MCC: variants seen among roughly 807,000 people sequenced by gnomAD.
The protein encoded by MCC is colorectal mutant cancer protein.
MCC carries 90 observed loss-of-function variants against 116.2 expected under a neutral mutation model. That is an observed-to-expected ratio of 0.77 (90% CI 0.65 to 0.92). MCC has a LOEUF of 0.92. Ranked by LOEUF, MCC falls within the 40% of genes least tolerant of loss-of-function variation. The pLI, the probability that MCC is intolerant of heterozygous loss-of-function variation, is 0.00. For synonymous variants in MCC, 578 were observed against 510.5 expected (o/e 1.13, Z -1.78); for missense variants, 1,516 against 1,312.2 (o/e 1.16, Z -2.40).
intron 3 of MCC, among the ~76,000 whole-genome samples, chr5:113,295,478 C>G (rs1006529274): frequency 6.6e-6 from 1 of 151,992 alleles, no homozygotes; most frequent in African/African-American, 2.4e-5. Flanking sequence ...GGCTCCCCAA[C>G]CCCCATCCCT....
At chr5:113,088,166 G>T (rs536015887) in intron 8 of MCC, among the ~76,000 whole-genome samples, 1 of 152,206 alleles carries the variant, frequency 6.6e-6, no homozygotes, top group African/African-American at 2.4e-5. Context: ...CTAGCCAGTG[G>T]AAACAAACCC....
chr5:113,357,219 G>C (rs1236541912), intron 2 of MCC, among the ~76,000 whole-genome samples: 1 of 152,172 alleles, frequency 6.6e-6, no homozygotes. Context: ...ATGGTAAACT[G>C]ATCAACAAAT....
intron 17 of MCC, among the ~76,000 whole-genome samples, chr5:113,032,404 G>C (rs1580879894): frequency 1.0e-5 from 1 of 98,064 alleles, no homozygotes. Flanking sequence ...ATGAAACTCT[G>C]TATCAAAAAA....
chr5:113,048,382 T>G (rs1410608396), intron 16 of MCC, among the ~76,000 whole-genome samples: 1 of 152,160 alleles, frequency 6.6e-6, no homozygotes, highest in African/African-American at 2.4e-5. Context: ...CCCACCTGAG[T>G]TGCGAATCAT....
intron 3 of MCC, among the ~76,000 whole-genome samples, chr5:113,195,239 GC>G (rs1762339407): frequency 1.3e-5 from 2 of 152,230 alleles, no homozygotes; most frequent in South Asian, 4.1e-4. Flanking sequence ...AACAGTGTGT[GC>G]TCGGAAGGGG....
At chr5:113,356,696 C>G (rs921534899) in intron 2 of MCC, among the ~76,000 whole-genome samples, 1 of 152,120 alleles carries the variant, frequency 6.6e-6, no homozygotes, top group Admixed American at 6.5e-5. Flanking sequence ...GCTTCAAGGC[C>G]TACAATTACA....
At chr5:113,177,784 T>C (rs1167658091) in intron 3 of MCC, among the ~76,000 whole-genome samples, 5 of 152,206 alleles carry the variant, frequency 3.3e-5, no homozygotes, top group African/African-American at 1.2e-4. Context: ...CTATAGGTTT[T>C]CTCAAGTGGG....
chr5:113,429,947 T>G (rs1770582479), intron 1 of MCC, among the ~76,000 whole-genome samples: 1 of 152,236 alleles, frequency 6.6e-6, no homozygotes, highest in African/African-American at 2.4e-5. Flanking sequence ...CACGTCTTTG[T>G]ACATTCAGGC....
At chr5:113,232,603 T>C (rs866759694) in intron 3 of MCC, among the ~76,000 whole-genome samples, 2 of 152,216 alleles carry the variant, frequency 1.3e-5, no homozygotes, top group East Asian at 1.9e-4. Context: ...TGCATAATTA[T>C]ACACACATCA....
chr5:113,382,863 C>A (rs1365133918), intron 2 of MCC, among the ~76,000 whole-genome samples: 1 of 152,176 alleles, frequency 6.6e-6, no homozygotes, highest in Non-Finnish European at 1.5e-5. Context: ...TAGTCTGACT[C>A]TGAACTCTTA....
rs905067361 is a variant in MCC, at chr5:113,023,214, C to T, written c.*4088G>A. The stretch of plus-strand genomic sequence containing the variant: ...GCCACAAGTTTGGAGCTTACTTTAA[C>T]CTGACCTACATGAACATAAGATTTG... On this transcript the variant is annotated 3_prime_UTR_variant, in exon 19 of 19. Transcript: ENST00000408903. 5.9e-5 allele frequency: 9 copies of T among 152,306 alleles called. No individual in the cohort carries two copies. The East Asian group carries it at 1.7e-3, about 29-fold the overall frequency. 9.4% of individuals were successfully genotyped at this position (152,306 alleles called of 1,614,324 possible).
rs17388740 is a variant in MCC at position 113,439,480 on chromosome 5, C to G, written c.170+48765G>C. On this transcript the variant is annotated intron_variant, in intron 1 of 18. Transcript: ENST00000408903. ...ACAAACCTTTATTAGATGACAAATG[C>G]CTTGGAAAAGATAGAGATGAATATA... is the stretch of plus-strand genomic sequence containing the variant. Among the ~76,000 whole-genome samples, 1,023 of 152,204 alleles carry G rather than the reference C, an allele frequency of 6.7e-3. 5 individuals are homozygous for G. Among genetic ancestry groups the G allele is most frequent in the Non-Finnish European group, 0.011 (737 of 68,004 alleles).
At chr5:113,069,279 T>G (rs1284823301) in intron 12 of MCC, among the ~76,000 whole-genome samples, 1 of 152,224 alleles carries the variant, frequency 6.6e-6, no homozygotes. Context: ...TGACAAGAGT[T>G]TGAGTTTGGA....
chr5:113,190,176 T>C (rs1762083748), intron 3 of MCC, among the ~76,000 whole-genome samples: 1 of 152,228 alleles, frequency 6.6e-6, no homozygotes, highest in Admixed American at 6.5e-5. Flanking sequence ...TAAAGTGAAC[T>C]AAGTCCATAG....
intron 1 of MCC, among the ~76,000 whole-genome samples, chr5:113,405,956 C>T (rs1350144010): frequency 1.3e-5 from 2 of 152,154 alleles, no homozygotes; most frequent in Admixed American, 1.3e-4. Flanking sequence ...TTATTTTCCT[C>T]CTGATGATCA....
chr5:113,468,155 T>C (rs1199335669), intron 1 of MCC, among the ~76,000 whole-genome samples: 2 of 152,204 alleles, frequency 1.3e-5, no homozygotes, highest in South Asian at 4.1e-4. Context: ...CCTCTTTTCC[T>C]AATTGAATAC....
At chr5:113,165,722 G>C (rs6866411) in intron 3 of MCC, among the ~76,000 whole-genome samples, 1 of 152,018 alleles carries the variant, frequency 6.6e-6, no homozygotes, top group African/African-American at 2.4e-5. Context: ...AGGAGCACCC[G>C]ACCCAATGGC....
intron 2 of MCC, among the ~76,000 whole-genome samples, chr5:113,359,699 A>T (rs958266302): frequency 6.6e-6 from 1 of 152,238 alleles, no homozygotes; most frequent in Non-Finnish European, 1.5e-5. Context: ...GGAGATAAGC[A>T]AGAAGGTTGA....
intron 1 of MCC, among the ~76,000 whole-genome samples, chr5:113,423,981 GAT>G (rs1770414713): frequency 6.6e-6 from 1 of 152,106 alleles, no homozygotes; most frequent in East Asian, 1.9e-4. Context: ...ATACCAACCA[GAT>G]GGCAGACTGA....
Sources: gnomAD v4.1 joint callset for allele counts (sites outside exome capture counted in the v4.1 genomes callset) on GRCh38, gnomAD v4.1.1 for gene constraint, MANE v1.5 for transcripts, NCBI Gene and HGNC (gene_info 2026-07-23, HGNC 2026-07-21) for gene names.